DHX35: variants seen among roughly 807,000 people sequenced by gnomAD.
DHX35 encodes probable ATP-dependent RNA helicase DHX35.
A neutral mutation model predicts 99.6 loss-of-function variants in DHX35; 84 were observed. The ratio of observed to expected loss-of-function variants is 0.84; its 90% CI spans 0.71 to 1.01. DHX35 has a LOEUF of 1.01. Ranked by LOEUF, DHX35 falls within the 50% of genes least tolerant of loss-of-function variation. The probability of loss-of-function intolerance (pLI) is 0.00; values close to 1 mark genes in which losing one functional copy is unlikely to be tolerated. For missense variants in DHX35, 852 were observed against 888.5 expected (o/e 0.96, Z 0.52); for synonymous variants, 331 against 316.2 (o/e 1.05, Z -0.50).
intron 1 of DHX35, 47 bp downstream of exon 1, chr20:38,962,454 G>T (rs1019361471): frequency 3.1e-6 from 5 of 1,599,098 alleles, no homozygotes; most frequent in Non-Finnish European, 4.3e-6. Context: ...GCCTGACTTC[G>T]GTCTTGGCGC....
At chr20:38,993,044 A>C (rs2086365534) in intron 7 of DHX35, among the ~76,000 whole-genome samples, 1 of 151,542 alleles carries the variant, frequency 6.6e-6, no homozygotes, top group South Asian at 2.1e-4. Context: ...CTTAACCTCC[A>C]CTCTCTCCTC....
chr20:38,994,853 T>C lies in DHX35; in HGVS notation c.615T>C (p.Ile205=). The C allele has an allele frequency of 1.2e-6, 2 of 1,613,966 alleles. No homozygotes were observed. The highest frequency in any genetic ancestry group is 2.2e-5 in the South Asian group (2 of 91,074). ...IQKKRGDLRL[I]VASATLDADK... ...AAAAGCGAGGGGATCTTCGATTGAT[T>C]GTAGCTTCAGCCACTCTGGATGCAG... The change falls in exon 8 of 22, where the codon ATT becomes ATC. Residue 205 remains isoleucine (I), a synonymous_variant. Transcript: ENST00000252011.
intron 4 of DHX35, among the ~76,000 whole-genome samples, chr20:38,988,175 G>A (rs918430555): frequency 6.6e-6 from 1 of 151,958 alleles, no homozygotes; most frequent in African/African-American, 2.4e-5. Flanking sequence ...AATAATTTTG[G>A]CATATCTATG....
At chr20:39,025,443 G>A in intron 18 of DHX35, 84 bp downstream of exon 18, 1 of 1,538,626 alleles carries the variant, frequency 6.5e-7, no homozygotes, top group Non-Finnish European at 8.8e-7. Context: ...CTGGGCTGGT[G>A]CGAGGCAGTG....
chr20:38,968,993 A>G (rs563193802), intron 1 of DHX35, 88 bp from the exon 2 acceptor site: 2 of 1,381,446 alleles, frequency 1.4e-6, no homozygotes, highest in East Asian at 2.4e-5. Flanking sequence ...CTTCTTCTGT[A>G]TATCTTCATC....
Position 39,030,708 on chromosome 20 carries a change from A to G in DHX35, c.1888A>G (p.Ile630Val). The stretch of plus-strand genomic sequence containing the variant: ...AAAATTCTTCTATGTTCCAAGGACC[A>G]TCCGTGATGACCATGAGCTGCACAT... ...RFHSTGAYRT[I>V]RDDHELHIHP... Residue 630 changes from isoleucine (I) to valine (V), a missense_variant, in exon 20 of 22, where the codon ATC (isoleucine) becomes GTC (valine). By Grantham distance (29) the Ile-to-Val change is conservative. Coordinates refer to ENST00000252011, the MANE Select transcript of DHX35 (RefSeq NM_021931.4). The G allele has an allele frequency of 6.2e-7, 1 of 1,614,064 alleles. No homozygotes were observed. The highest frequency in any genetic ancestry group is 8.5e-7 in the Non-Finnish European group (1 of 1,180,012).
intron 14 of DHX35, among the ~76,000 whole-genome samples, chr20:39,015,832 G>T (rs563826012): frequency 6.6e-6 from 1 of 152,076 alleles, no homozygotes; most frequent in African/African-American, 2.4e-5. Context: ...ACCCATTAGC[G>T]CCGAACTTCT....
intron 7 of DHX35, among the ~76,000 whole-genome samples, chr20:38,993,324 T>C (rs1019078483): frequency 5.3e-5 from 8 of 152,184 alleles, no homozygotes; most frequent in Admixed American, 4.6e-4. Context: ...AAAATTCAGG[T>C]TCTCAGTCAC....
chr20:39,010,434 G>C, intron 13 of DHX35, 30 bp downstream of exon 13: 1 of 1,610,196 alleles, frequency 6.2e-7, no homozygotes, highest in South Asian at 1.1e-5. Context: ...TGGGGCCATA[G>C]GGAGGCTAGG....
chr20:38,991,369 A>C (rs1465827949), intron 5 of DHX35, 85 bp from the exon 6 acceptor site: 13 of 1,193,318 alleles, frequency 1.1e-5, no homozygotes, highest in Non-Finnish European at 1.5e-5. Flanking sequence ...CATGCTGGCA[A>C]AGAGGTTGCA....
intron 20 of DHX35, among the ~76,000 whole-genome samples, chr20:39,032,218 C>T (rs1275982558): frequency 6.6e-6 from 1 of 152,216 alleles, no homozygotes; most frequent in Non-Finnish European, 1.5e-5. Flanking sequence ...GTGTCTCAAT[C>T]TGTTGCCCAG....
intron 8 of DHX35, among the ~76,000 whole-genome samples, chr20:38,996,395 G>C (rs116459887): frequency 2.1e-3 from 324 of 152,296 alleles, no homozygotes; most frequent in African/African-American, 7.4e-3. Flanking sequence ...GGGAAGTAAT[G>C]GAAGATTAAA....
Position 39,038,550 on chromosome 20 carries a change from C to G in DHX35, c.*7C>G. 1.2e-6 allele frequency: 2 copies of G among 1,611,310 alleles called. No individual in the cohort carries two copies. Among genetic ancestry groups the G allele is most frequent in the Non-Finnish European group, 1.7e-6 (2 of 1,179,778 alleles). On this transcript the variant is annotated 3_prime_UTR_variant, in exon 22 of 22. Coordinates refer to ENST00000252011, the MANE Select transcript of DHX35 (RefSeq NM_021931.4). ...CAAGGTCCAGGACCCGTGAGAGGAG[C>G]CCACAGCTACAGCTGCAGGGACTGC...
At chr20:38,977,877 T>C (rs2086106666) in intron 3 of DHX35, 1 of 573,352 alleles carries the variant, frequency 1.7e-6, no homozygotes, top group East Asian at 3.8e-5. Context: ...GAGTATCTTG[T>C]ATAGCTTTCT....
chr20:39,027,635 A>G (rs191106801), intron 18 of DHX35, among the ~76,000 whole-genome samples: 9 of 152,350 alleles, frequency 5.9e-5, no homozygotes, highest in African/African-American at 1.9e-4. Flanking sequence ...TTACTTACCA[A>G]CATGCTTTAT....
At chr20:39,038,219 A>G (rs2087187116) in intron 21 of DHX35, among the ~76,000 whole-genome samples, 1 of 152,224 alleles carries the variant, frequency 6.6e-6, no homozygotes, top group Non-Finnish European at 1.5e-5. Context: ...TCGTGTCTCA[A>G]AAAGAAAACC....
At chr20:38,968,802 T>C (rs912072992) in intron 1 of DHX35, among the ~76,000 whole-genome samples, 2 of 152,194 alleles carry the variant, frequency 1.3e-5, no homozygotes, top group African/African-American at 4.8e-5. Flanking sequence ...TCCGCCCGCC[T>C]CGGCCTCCCA....
chr20:38,975,162 T>G (rs2086058119), intron 3 of DHX35, among the ~76,000 whole-genome samples: 1 of 152,166 alleles, frequency 6.6e-6, no homozygotes, highest in Non-Finnish European at 1.5e-5. Context: ...GTAGGTATTT[T>G]TTTAAAGTTT....
intron 8 of DHX35, among the ~76,000 whole-genome samples, chr20:38,998,466 G>A (rs995340084): frequency 4.6e-5 from 7 of 152,206 alleles, no homozygotes; most frequent in South Asian, 4.1e-4. Context: ...GCAGGTACCA[G>A]GGAAGGAGCC....
Sources: allele counts gnomAD v4.1 joint callset (sites outside exome capture counted in the v4.1 genomes callset), GRCh38; gene constraint gnomAD v4.1.1; transcripts MANE v1.5; gene names NCBI Gene and HGNC (gene_info 2026-07-23, HGNC 2026-07-21).